CSMD3: variants seen among roughly 807,000 people sequenced by gnomAD.
The protein encoded by CSMD3 is CUB and sushi domain-containing protein 3.
A neutral mutation model predicts 435.2 loss-of-function variants in CSMD3; 177 were observed. The ratio of observed to expected loss-of-function variants is 0.41; its 90% confidence interval spans 0.36 to 0.46. The LOEUF is 0.46. Ranked by LOEUF, CSMD3 falls within the 20% of genes least tolerant of loss-of-function variation. The pLI, the probability that CSMD3 is intolerant of heterozygous loss-of-function variation, is 0.34. For missense variants in CSMD3, 4,265 were observed against 4,504.6 expected, an observed-to-expected ratio of 0.95 and a Z score of 1.52; for synonymous variants, 1,656 against 1,520.5, an observed-to-expected ratio of 1.09 and a Z score of -2.07.
intron 4 of CSMD3, among the ~76,000 whole-genome samples, chr8:113,126,109 A>T (rs184601625): frequency 6.6e-6 from 1 of 152,020 alleles, no homozygotes; most frequent in African/African-American, 2.4e-5. Context: ...GAAGTGTATA[A>T]CTCTTCGAAT....
intron 3 of CSMD3, among the ~76,000 whole-genome samples, chr8:113,201,360 TTGAAA>T (rs1014574927): frequency 6.6e-6 from 1 of 151,986 alleles, no homozygotes; most frequent in African/African-American, 2.4e-5. Flanking sequence ...CAAAGGTTAA[TTGAAA>T]TTAGTCATAA....
At chr8:112,572,416 G>A (rs1179450748) in intron 24 of CSMD3, among the ~76,000 whole-genome samples, 1 of 151,996 alleles carries the variant, frequency 6.6e-6, no homozygotes, top group Non-Finnish European at 1.5e-5. Flanking sequence ...TTCATACAAT[G>A]AGTCATTGTA....
At chr8:113,246,292 T>C (rs1407582760) in intron 3 of CSMD3, among the ~76,000 whole-genome samples, 1 of 152,058 alleles carries the variant, frequency 6.6e-6, no homozygotes, top group Non-Finnish European at 1.5e-5. Context: ...CAATGAATAA[T>C]CTCAATTGAC....
rs548825898 is a variant in CSMD3, at chr8:112,298,656, T to C, written c.8441-2650A>G. On this transcript the variant is annotated intron_variant, in intron 53 of 70. Coordinates refer to ENST00000297405, the MANE Select transcript of CSMD3 (RefSeq NM_198123.2). ...ATAACAAAAAGGCAAGTCAATATAC[T>C]TTACCACTTCACAAAGGAAAATTTA... is the stretch of plus-strand genomic sequence containing the variant. 8.5e-5 allele frequency among the ~76,000 whole-genome samples: 13 copies of C among 152,258 alleles called. No homozygotes were observed. In the South Asian group the frequency reaches 2.7e-3, roughly 31 times the overall value.
rs186608759 is a variant in CSMD3, at chr8:112,832,739, C to A, written c.1756-2950G>T. Among the ~76,000 whole-genome samples the A allele has an allele frequency of 1.1e-4, 16 of 152,236 alleles. No individual in the cohort carries two copies. The East Asian group carries it at 2.9e-3, about 28-fold the overall frequency. ...CCGGTACAACCTTGAAAAGAAGACC[C>A]AGATATCCATGCCCAGACTCCTTTC... On this transcript the variant is annotated intron_variant, in intron 11 of 70. Coordinates refer to ENST00000297405, the MANE Select transcript of CSMD3 (RefSeq NM_198123.2).
intron 16 of CSMD3, among the ~76,000 whole-genome samples, chr8:112,676,551 A>G (rs1298837098): frequency 6.6e-6 from 1 of 152,256 alleles, no homozygotes; most frequent in South Asian, 2.1e-4. Flanking sequence ...TGAATTTCAG[A>G]TTCTATAACA....
At chr8:113,301,798 T>A (rs146268410) in intron 2 of CSMD3, among the ~76,000 whole-genome samples, 2 of 152,040 alleles carry the variant, frequency 1.3e-5, no homozygotes, top group Non-Finnish European at 2.9e-5. Flanking sequence ...CTTTATAACA[T>A]CAAACTTGAA....
chr8:112,755,250 G>A (rs1044205707), intron 13 of CSMD3, among the ~76,000 whole-genome samples: 4 of 151,878 alleles, frequency 2.6e-5, no homozygotes, highest in Non-Finnish European at 5.9e-5. Flanking sequence ...AGAATGGCGT[G>A]AACCCGGGAA....
chr8:112,271,674 G>A (rs1817546194), intron 59 of CSMD3, among the ~76,000 whole-genome samples: 1 of 152,076 alleles, frequency 6.6e-6, no homozygotes, highest in South Asian at 2.1e-4. Context: ...AAATAAAAAG[G>A]ATAACAGTAT....
In CSMD3 at chr8:112,856,847, C is replaced by A. The variant is rs554093310; in HGVS notation, c.1755+2298G>T. Reference sequence around the variant, plus strand: ...TTGGGATGTATGCCAACTAGTATAGCTGTATGCTTATTATTTATACCAACA... The same window carrying A: ...TTGGGATGTATGCCAACTAGTATAGATGTATGCTTATTATTTATACCAACA... On this transcript the variant is annotated intron_variant, in intron 11 of 70. Coordinates refer to ENST00000297405, the MANE Select transcript of CSMD3 (RefSeq NM_198123.2). Among the ~76,000 whole-genome samples the A allele has an allele frequency of 1.1e-4, 16 of 151,852 alleles. 1 individual carries two copies. In the South Asian group the frequency reaches 3.3e-3, roughly 31 times the overall value.
Position 113,099,152 on chromosome 8 carries a change from T to C in CSMD3, c.710-189A>G, listed in dbSNP as rs545002036. ...AAAAATGTATCAGCACATATACAAG[T>C]ATAAAGTATATCTTAACAATTTTAT... is the stretch of plus-strand genomic sequence containing the variant. On this transcript the variant is annotated intron_variant, in intron 4 of 70. Transcript: ENST00000297405. Among the ~76,000 whole-genome samples the C allele has an allele frequency of 4.9e-3, 749 of 152,106 alleles. 1 individual carries two copies. The highest frequency in any genetic ancestry group is 0.016 in the African/African-American group (667 of 41,544).
At chr8:113,053,310 T>G (rs2088178081) in intron 5 of CSMD3, among the ~76,000 whole-genome samples, 1 of 152,156 alleles carries the variant, frequency 6.6e-6, no homozygotes, top group South Asian at 2.1e-4. Context: ...TTTTTCTAAT[T>G]TTAGCTTTGT....
intron 3 of CSMD3, among the ~76,000 whole-genome samples, chr8:113,274,781 T>C (rs1255521238): frequency 1.3e-5 from 2 of 149,044 alleles, no homozygotes; most frequent in Non-Finnish European, 3.0e-5. Context: ...TTTAAAGAAA[T>C]ATATTTGTAA....
At position 112,765,328 on chromosome 8, in the gene CSMD3, C is replaced by T. The variant is rs144855806; in HGVS notation, c.1972+34834G>A. Among the ~76,000 whole-genome samples the T allele has an allele frequency of 4.4e-3, 662 of 151,284 alleles. 1 individual carries two copies. The highest frequency in any genetic ancestry group is 7.1e-3 in the Non-Finnish European group (478 of 67,588). On this transcript the variant is annotated intron_variant, in intron 13 of 70. Transcript: ENST00000297405. ...AGGCTGAATTTGGATTTGAGAAATA[C>T]GGAAGGGCTGGTGGAAGAAGGAATT...
chr8:112,679,241 GAGTT>G (rs1177149049), intron 16 of CSMD3, among the ~76,000 whole-genome samples: 1 of 152,148 alleles, frequency 6.6e-6, no homozygotes, highest in Admixed American at 6.6e-5. Flanking sequence ...AAACCTACCT[GAGTT>G]AGTTATAGAG....
chr8:112,885,256 AG>A (rs201395570), intron 10 of CSMD3, among the ~76,000 whole-genome samples: 1,575 of 151,794 alleles, frequency 0.01, 35 homozygotes, highest in African/African-American at 0.036. Flanking sequence ...GATGCCAAGT[AG>A]CAGAATGACA....
intron 13 of CSMD3, among the ~76,000 whole-genome samples, chr8:112,704,647 C>T (rs1181991320): frequency 1.3e-5 from 2 of 151,806 alleles, no homozygotes; most frequent in East Asian, 2.0e-4. Context: ...ATTGTAGCTC[C>T]ATCCTCTCTC....
At position 112,281,198 on chromosome 8, in the gene CSMD3, A is replaced by G; in HGVS notation, c.9484T>C (p.Ser3162Pro). 1 of 1,613,156 alleles carries G rather than the reference A, an allele frequency of 6.2e-7. No individual in the cohort carries two copies. Among genetic ancestry groups the G allele is most frequent in the South Asian group, 1.1e-5 (1 of 91,066 alleles). ...CTTGTACAGTTAGGTAAAGTTCCAGACCATGTTCCATTGGCTGTGCACTGT... is the reference window on the plus strand; with the variant it reads ...CTTGTACAGTTAGGTAAAGTTCCAGGCCATGTTCCATTGGCTGTGCACTGT... ...VRQCTANGTW[S>P]GTLPNCTIIS... The change falls in exon 59 of 71, where the codon TCT becomes CCT. Residue 3162 changes from serine (S) to proline (P), a missense_variant. Coordinates refer to ENST00000297405, the MANE Select transcript of CSMD3 (RefSeq NM_198123.2).
intron 49 of CSMD3, 126 bp from the exon 50 acceptor site, chr8:112,311,292 T>A: frequency 1.3e-6 from 1 of 748,818 alleles, no homozygotes; most frequent in Admixed American, 2.1e-5. Context: ...AAATTTTACT[T>A]CATATGAACA....
Sources: gnomAD v4.1 joint callset for allele counts (sites outside exome capture counted in the v4.1 genomes callset) on GRCh38, gnomAD v4.1.1 for gene constraint, MANE v1.5 for transcripts, NCBI Gene and HGNC (gene_info 2026-07-23, HGNC 2026-07-21) for gene names.